BUD31: variants seen among roughly 807,000 people sequenced by gnomAD.
BUD31 encodes BUD31 spliceosome associated protein, also known as protein BUD31 homolog.
BUD31 carries 9 observed loss-of-function variants against 17.9 expected under a neutral mutation model. The observed-to-expected ratio is 0.50, with a 90% confidence interval of 0.30 to 0.88. BUD31 has a LOEUF of 0.88. Ranked by LOEUF, BUD31 falls within the 40% of genes least tolerant of loss-of-function variation. BUD31 has a pLI of 0.06. For synonymous variants in BUD31, 70 were observed against 64.7 expected (o/e 1.08, Z -0.39); for missense variants, 148 against 184.5 (o/e 0.80, Z 1.15).
At chr7:99,414,888 G>A (rs911077075) in intron 3 of BUD31, among the ~76,000 whole-genome samples, 7 of 152,148 alleles carry the variant, frequency 4.6e-5, no homozygotes, top group Admixed American at 3.3e-4. Context: ...GTGAGCCACC[G>A]ATTCCGGCCA....
intron 3 of BUD31, chr7:99,411,850 G>A (rs1234488941): frequency 2.6e-6 from 1 of 380,804 alleles, no homozygotes; most frequent in Admixed American, 3.3e-5. Flanking sequence ...TGGATTACAG[G>A]CATGCGCCAC....
chr7:99,409,375 A>T (rs1290638673), intron 1 of BUD31, 130 bp downstream of exon 1: 1 of 151,904 alleles, frequency 6.6e-6, no homozygotes, highest in East Asian at 1.9e-4. Context: ...TAGCGCCCCA[A>T]TCTCTCTTAC....
rs748903415 is a variant in BUD31, at chr7:99,417,553, G to A, written c.342G>A (p.Gly114=). 12 of 1,612,400 alleles carry A rather than the reference G, an allele frequency of 7.4e-6. No homozygotes were observed. The highest frequency in any genetic ancestry group is 4.5e-5 in the East Asian group (2 of 44,876). The change falls in exon 5 of 6, where the codon GGG becomes GGA. Residue 114 remains glycine (G), a synonymous_variant. Coordinates refer to ENST00000222969, the MANE Select transcript of BUD31 (RefSeq NM_003910.4). Reference sequence around the variant, plus strand: ...TTCAGACACGGGACACCAACTTCGGGACGAACTGCATCTGCCGCGTGCCCA... The same window carrying A: ...TTCAGACACGGGACACCAACTTCGGAACGAACTGCATCTGCCGCGTGCCCA... ...RCIQTRDTNF[G]TNCICRVPKS...
At chr7:99,417,361 T>G in intron 4 of BUD31, 68 bp from the exon 5 acceptor site, 1 of 1,555,918 alleles carries the variant, frequency 6.4e-7, no homozygotes, top group Non-Finnish European at 8.8e-7. Context: ...CCTGAATGCT[T>G]TTTTTGATCA....
At chr7:99,415,322 C>T (rs573307829) in intron 3 of BUD31, 1 of 451,596 alleles carries the variant, frequency 2.2e-6, no homozygotes, top group Non-Finnish European at 4.4e-6. Context: ...CTGCCTGGCA[C>T]CAAGGCAGAG....
At chr7:99,411,018 C>T in intron 2 of BUD31, 46 bp from the exon 3 acceptor site, 1 of 1,325,170 alleles carries the variant, frequency 7.5e-7, no homozygotes, top group Admixed American at 1.9e-5. Context: ...TGGCAAAGGC[C>T]TTTGGGGATT....
intron 3 of BUD31, chr7:99,415,285 C>T (rs1282272108): frequency 6.6e-6 from 3 of 455,818 alleles, no homozygotes; most frequent in East Asian, 7.0e-5. Context: ...ACATGGGTCA[C>T]GTGTCCACTG....
intron 3 of BUD31, among the ~76,000 whole-genome samples, chr7:99,412,916 C>T (rs148284342): frequency 4.3e-4 from 66 of 152,124 alleles, no homozygotes; most frequent in African/African-American, 1.4e-3. Flanking sequence ...CCACCGCGCC[C>T]GACCAACGCT....
Position 99,411,196 on chromosome 7 carries a change from G to A in BUD31, c.94+10G>A. The A allele has an allele frequency of 6.2e-7, 1 of 1,611,752 alleles. No homozygotes were observed. The highest frequency in any genetic ancestry group is 2.2e-5 in the East Asian group (1 of 44,884). On this transcript the variant is annotated intron_variant, in intron 3 of 5. Coordinates refer to ENST00000222969, the MANE Select transcript of BUD31 (RefSeq NM_003910.4). ...CAAAAGATGAGAGAAGGTGAGTAGG[G>A]GAGTTCCTGTCTGGGTGGGCTGGGT...
chr7:99,415,842 G>T (rs1309415519), intron 3 of BUD31, among the ~76,000 whole-genome samples: 1 of 151,652 alleles, frequency 6.6e-6, no homozygotes, highest in Non-Finnish European at 1.5e-5. Flanking sequence ...TGTCGAGTGA[G>T]GATTATTATA....
chr7:99,409,564 C>G (rs182752425), intron 1 of BUD31, among the ~76,000 whole-genome samples: 7 of 152,140 alleles, frequency 4.6e-5, no homozygotes, highest in African/African-American at 1.7e-4. Context: ...ACAGACTATG[C>G]GCCTTGGGGC....
rs539042168 is a variant in BUD31, at chr7:99,409,847, T to C, written c.-165-187T>C. Among the ~76,000 whole-genome samples, 14 of 152,114 alleles carry C rather than the reference T, an allele frequency of 9.2e-5. No individual in the cohort carries two copies. In the East Asian group the frequency reaches 2.7e-3, roughly 29 times the overall value. Reference sequence around the variant, plus strand: ...GAATTTGAGAGAGATGAATCTGTTATGCTGAAAGGTAAATACTTAACCTGG... The same window carrying C: ...GAATTTGAGAGAGATGAATCTGTTACGCTGAAAGGTAAATACTTAACCTGG... On this transcript the variant is annotated intron_variant, in intron 1 of 5. Coordinates refer to ENST00000222969, the MANE Select transcript of BUD31 (RefSeq NM_003910.4).
Position 99,419,554 on chromosome 7 carries a change from A to G in BUD31, c.*113A>G. The G allele has an allele frequency of 1.6e-6, 2 of 1,238,170 alleles. No homozygotes were observed. Among genetic ancestry groups the G allele is most frequent in the Non-Finnish European group, 2.3e-6 (2 of 858,896 alleles). The allele number at this position is 1,238,170 out of a possible 1,614,324, so 76.7% of individuals were successfully genotyped here. A position where few individuals can be genotyped will look rare whatever the true frequency, so the allele number is the denominator to read the frequency against. On this transcript the variant is annotated 3_prime_UTR_variant, in exon 6 of 6. Coordinates refer to ENST00000222969, the MANE Select transcript of BUD31 (RefSeq NM_003910.4). ...AGGCCCGAGTTGGAGCACGGTCTCTATGGGGAAGGCTTCGCTGTCTATCAG... is the reference window on the plus strand; with the variant it reads ...AGGCCCGAGTTGGAGCACGGTCTCTGTGGGGAAGGCTTCGCTGTCTATCAG...
chr7:99,415,060 C>T (rs897137164), intron 3 of BUD31: 1 of 352,630 alleles, frequency 2.8e-6, no homozygotes, highest in Admixed American at 3.9e-5. Flanking sequence ...GGTCCAGCCC[C>T]ACAGGGTCGG....
chr7:99,417,600 TG>T lies in BUD31; in HGVS notation c.384+6del. On this transcript the variant is annotated splice_donor_region_variant and intron_variant, in intron 5 of 5. Coordinates refer to ENST00000222969, the MANE Select transcript of BUD31 (RefSeq NM_003910.4). ...CCCAAAAGCAAGCTGGAAGTGGTAA[TG>T]TCTGACACTCAAGCTTGGTGTTGTT... The T allele has an allele frequency of 6.2e-7, 1 of 1,610,772 alleles. No homozygotes were observed. The highest frequency in any genetic ancestry group is 8.5e-7 in the Non-Finnish European group (1 of 1,179,978).
At chr7:99,409,838 A>C (rs1365216581) in intron 1 of BUD31, among the ~76,000 whole-genome samples, 196 bp from the exon 2 acceptor site, 1 of 151,488 alleles carries the variant, frequency 6.6e-6, no homozygotes, top group East Asian at 1.9e-4. Flanking sequence ...GAGAGAGATG[A>C]ATCTGTTATG....
intron 3 of BUD31, among the ~76,000 whole-genome samples, chr7:99,415,529 T>TCA (rs1795384200): frequency 6.6e-6 from 1 of 152,102 alleles, no homozygotes; most frequent in African/African-American, 2.4e-5. Flanking sequence ...GCCTGACTGA[T>TCA]GTCAGGCCCT....
chr7:99,417,652 G>T (rs73711218), intron 5 of BUD31, 57 bp downstream of exon 5: 2 of 1,596,730 alleles, frequency 1.3e-6, no homozygotes, highest in South Asian at 2.2e-5. Context: ...TGCCTTAGTC[G>T]ACTGCAAGGG....
chr7:99,413,555 A>G (rs958126359), intron 3 of BUD31, among the ~76,000 whole-genome samples: 5 of 152,210 alleles, frequency 3.3e-5, no homozygotes, highest in East Asian at 1.9e-4. Flanking sequence ...ATCTGAAAGC[A>G]TAGGGACCAA....
Sources: gnomAD v4.1 joint callset for allele counts (sites outside exome capture counted in the v4.1 genomes callset) on GRCh38, gnomAD v4.1.1 for gene constraint, MANE v1.5 for transcripts, NCBI Gene and HGNC (gene_info 2026-07-23, HGNC 2026-07-21) for gene names.